Variants in DPP10 observed in about 807,000 individuals in gnomAD.
The protein encoded by DPP10 is dipeptidyl peptidase like 10, also known as inactive dipeptidyl peptidase 10.
Under a neutral mutation model 120.9 loss-of-function variants are expected in DPP10, and 33 were observed. The ratio of observed to expected loss-of-function variants is 0.27; its 90% CI spans 0.21 to 0.37. DPP10 has a LOEUF of 0.37. DPP10 is among the 10% of genes least tolerant of loss of function. The probability of loss-of-function intolerance (pLI) is 1.00; values close to 1 mark genes in which losing one functional copy is unlikely to be tolerated. For missense variants in DPP10, 816 were observed against 942.8 expected (o/e 0.87, Z 1.76); for synonymous variants, 337 against 326.1 (o/e 1.03, Z -0.36).
intron 5 of DPP10, among the ~76,000 whole-genome samples, chr2:115,537,120 T>C (rs1434149447): frequency 3.9e-5 from 6 of 152,062 alleles, no homozygotes; most frequent in Admixed American, 2.6e-4. Flanking sequence ...AAGATGCAGG[T>C]TCCAACCTTC....
intron 1 of DPP10, among the ~76,000 whole-genome samples, chr2:114,485,805 A>T (rs1328642393): frequency 6.6e-6 from 1 of 152,038 alleles, no homozygotes; most frequent in Non-Finnish European, 1.5e-5. Flanking sequence ...CTGACCAAAG[A>T]GCTGATCATG....
chr2:115,172,145 A>G (rs1234846186), intron 1 of DPP10, among the ~76,000 whole-genome samples: 1 of 148,778 alleles, frequency 6.7e-6, no homozygotes, highest in Admixed American at 6.7e-5. Flanking sequence ...CAACTGGGGA[A>G]TGCATGCAGG....
At chr2:115,748,167 C>T (rs1038132127) in intron 10 of DPP10, among the ~76,000 whole-genome samples, 1 of 151,328 alleles carries the variant, frequency 6.6e-6, no homozygotes, top group Non-Finnish European at 1.5e-5. Context: ...TAAAATACTG[C>T]CTAAACTCTC....
chr2:115,492,857 T>C (rs1232171015), intron 3 of DPP10, among the ~76,000 whole-genome samples: 1 of 152,122 alleles, frequency 6.6e-6, no homozygotes, highest in East Asian at 1.9e-4. Context: ...AAATATTAAC[T>C]GGCACAGGAG....
At chr2:114,986,765 G>A (rs564188792) in intron 1 of DPP10, among the ~76,000 whole-genome samples, 1 of 152,182 alleles carries the variant, frequency 6.6e-6, no homozygotes, top group East Asian at 1.9e-4. Context: ...TTGTAGGACA[G>A]GTTTTTTTGT....
intron 7 of DPP10, among the ~76,000 whole-genome samples, chr2:115,727,469 C>T (rs1283693681): frequency 6.6e-6 from 1 of 152,102 alleles, no homozygotes; most frequent in Non-Finnish European, 1.5e-5. Flanking sequence ...CTTATAGTTA[C>T]AGTTATCAGT....
At chr2:115,294,525 G>T (rs2060799147) in intron 1 of DPP10, among the ~76,000 whole-genome samples, 1 of 151,528 alleles carries the variant, frequency 6.6e-6, no homozygotes, top group Non-Finnish European at 1.5e-5. Flanking sequence ...GCTTTTTGGG[G>T]GGAAGGGGAC....
chr2:114,462,721 A>G (rs1679032508), intron 1 of DPP10, among the ~76,000 whole-genome samples: 1 of 152,256 alleles, frequency 6.6e-6, no homozygotes, highest in South Asian at 2.1e-4. Context: ...TTCGCACACC[A>G]TACTCTCTGG....
chr2:115,640,289 C>T (rs2086672928), intron 5 of DPP10, among the ~76,000 whole-genome samples: 1 of 151,194 alleles, frequency 6.6e-6, no homozygotes, highest in Admixed American at 6.6e-5. Context: ...AAGGCAGGTC[C>T]TGAAAAAATC....
At chr2:115,184,368 T>C (rs899250954) in intron 1 of DPP10, among the ~76,000 whole-genome samples, 4 of 152,168 alleles carry the variant, frequency 2.6e-5, no homozygotes, top group African/African-American at 9.7e-5. Flanking sequence ...GAAGAAGAGG[T>C]CATTTCAAAT....
chr2:114,905,510 G>A (rs1243848538), intron 1 of DPP10, among the ~76,000 whole-genome samples: 1 of 152,024 alleles, frequency 6.6e-6, no homozygotes, highest in Non-Finnish European at 1.5e-5. Context: ...TCGGATTACA[G>A]ATGCAGGTTT....
chr2:115,521,850 C>T (rs531270453), intron 4 of DPP10, among the ~76,000 whole-genome samples: 1 of 152,230 alleles, frequency 6.6e-6, no homozygotes, highest in East Asian at 1.9e-4. Context: ...CTTATGAAAA[C>T]AGTAATAAGC....
chr2:115,122,352 G>A (rs2049867821), intron 1 of DPP10, among the ~76,000 whole-genome samples: 1 of 152,234 alleles, frequency 6.6e-6, no homozygotes, highest in African/African-American at 2.4e-5. Flanking sequence ...GCTCTGGAAT[G>A]AACTAGTGCT....
chr2:115,636,552 A>G (rs1465884612), intron 5 of DPP10, among the ~76,000 whole-genome samples: 1 of 152,070 alleles, frequency 6.6e-6, no homozygotes, highest in Non-Finnish European at 1.5e-5. Context: ...TGTTTATGTT[A>G]AAAGAGAGAA....
chr2:115,088,763 A>C (rs1426890959), intron 1 of DPP10, among the ~76,000 whole-genome samples: 1 of 149,432 alleles, frequency 6.7e-6, no homozygotes, highest in East Asian at 2.0e-4. Flanking sequence ...AAAAAAAAAA[A>C]AAAAAACCAA....
chr2:114,940,196 G>T (rs10496481), intron 1 of DPP10, among the ~76,000 whole-genome samples: 35,919 of 151,972 alleles, frequency 0.24, 4,330 homozygotes, highest in East Asian at 0.36. Context: ...ATGCACAATC[G>T]AATTTTTTCC....
intron 19 of DPP10, among the ~76,000 whole-genome samples, chr2:115,810,477 T>TA (rs1171207506): frequency 6.6e-6 from 1 of 152,224 alleles, no homozygotes; most frequent in Non-Finnish European, 1.5e-5. Context: ...TTCTGTCATT[T>TA]AAAAAATCTA....
At chr2:115,334,228 C>CTTTTTTTTTTT (rs1393213758) in intron 2 of DPP10, among the ~76,000 whole-genome samples, 1 of 22,326 alleles carries the variant, frequency 4.5e-5, no homozygotes, top group Non-Finnish European at 1.3e-4. Context: ...AGAGCAGACT[C>CTTTTTTTTTTT]TGTTTTTTTT....
At chr2:115,269,374 G>A (rs1283692469) in intron 1 of DPP10, among the ~76,000 whole-genome samples, 1 of 152,050 alleles carries the variant, frequency 6.6e-6, no homozygotes, top group African/African-American at 2.4e-5. Context: ...AGACTTTCTG[G>A]CTTAAAACTA....
Sources: allele counts gnomAD v4.1 joint callset (sites outside exome capture counted in the v4.1 genomes callset), GRCh38; gene constraint gnomAD v4.1.1; transcripts MANE v1.5; gene names NCBI Gene and HGNC (gene_info 2026-07-23, HGNC 2026-07-21).